The following LMF2 variants were observed in gnomAD, a reference collection of about 807,000 sequenced individuals.
LMF2 encodes the protein lipase maturation factor 2.
LMF2 carries 113 observed loss-of-function variants against 81.5 expected under a neutral mutation model. That is an observed-to-expected ratio of 1.39 (90% CI 1.19 to 1.62). The LOEUF is 1.62. Ranked by LOEUF, LMF2 falls within the 40% of genes most tolerant of loss-of-function variation. LMF2 has a pLI of 0.00. For missense variants in LMF2, 1,235 were observed against 929.1 expected (o/e 1.33, Z -4.28); for synonymous variants, 645 against 424.5 (o/e 1.52, Z -6.39).
At chr22:50,505,358 G>A in intron 7 of LMF2, 24 bp from the exon 8 acceptor site, 2 of 1,613,230 alleles carry the variant, frequency 1.2e-6, no homozygotes, top group Non-Finnish European at 1.7e-6. Context: ...GGGGTGTGAG[G>A]ACTGGTCCGC....
At chr22:50,503,932 TGGAG>T in intron 12 of LMF2, 28 bp from the exon 13 acceptor site, 1 of 1,597,658 alleles carries the variant, frequency 6.3e-7, no homozygotes, top group Admixed American at 1.7e-5. Flanking sequence ...GTTCAGAAGC[TGGAG>T]GCACCCCGGG....
chr22:50,504,501 C>CCCCCA, intron 11 of LMF2, 50 bp from the exon 12 acceptor site: 1 of 1,411,274 alleles, frequency 7.1e-7, no homozygotes, highest in Non-Finnish European at 9.7e-7. Context: ...CCCTGCCCCT[C>CCCCCA]CCCTCCCCAC....
In LMF2 at chr22:50,505,240, A is replaced by G. The variant is rs1037452496; in HGVS notation, c.1146T>C (p.Ser382=). 3.7e-6 allele frequency: 6 copies of G among 1,613,060 alleles called. No individual in the cohort carries two copies. Among genetic ancestry groups the G allele is most frequent in the Non-Finnish European group, 5.1e-6 (6 of 1,179,978 alleles). The change falls in exon 8 of 14, where the codon AGT becomes AGC. Residue 382 remains serine (S), a synonymous_variant. Transcript: ENST00000474879. Reference sequence around the variant, plus strand: ...CCTGGGCCATGTACCTCCACAGGGCACTCAGCAGCTCCCAGACCAGGGAGG... The same window carrying G: ...CCTGGGCCATGTACCTCCACAGGGCGCTCAGCAGCTCCCAGACCAGGGAGG... ...GVASLVWELL[S]ALWRWTQVRG...
chr22:50,506,593 C>A (rs371091389), intron 3 of LMF2, 45 bp downstream of exon 3: 17 of 1,601,014 alleles, frequency 1.1e-5, no homozygotes, highest in Admixed American at 1.7e-5. Context: ...CCCTCCCCCA[C>A]CCCCTACCCA....
At position 50,505,061 on chromosome 22, in the gene LMF2, C is replaced by T. The variant is rs2068521657; in HGVS notation, c.1250G>A (p.Ser417Asn). 1.2e-6 allele frequency: 2 copies of T among 1,612,936 alleles called. No homozygotes were observed. Among genetic ancestry groups the T allele is most frequent in the African/African-American group, 1.3e-5 (1 of 75,042 alleles). The change falls in exon 9 of 14, where the codon AGC becomes AAC. Residue 417 changes from serine (S) to asparagine (N), a missense_variant. Coordinates refer to ENST00000474879, the MANE Select transcript of LMF2 (RefSeq NM_033200.3). Reference sequence around the variant, plus strand: ...CAGCCCTGCAGCGCTACCCACCAGGCTAATCAGGAACAAGGCCACGGTCGC... The same window carrying T: ...CAGCCCTGCAGCGCTACCCACCAGGTTAATCAGGAACAAGGCCACGGTCGC... The part of the protein sequence containing the change: ...GTATVALFLI[S>N]LVPYSYVEPG...
At position 50,507,693 on chromosome 22, in the gene LMF2, C is replaced by G. The variant is rs777873116; in HGVS notation, c.-18G>C. Reference sequence around the variant, plus strand: ...CCCGCCATGTCCGCTACGCGGCCCGCTAGAGCAGGGCCCGCCCTCCGCGTC... The same window carrying G: ...CCCGCCATGTCCGCTACGCGGCCCGGTAGAGCAGGGCCCGCCCTCCGCGTC... On this transcript the variant is annotated 5_prime_UTR_variant, in exon 1 of 14. Coordinates refer to ENST00000474879, the MANE Select transcript of LMF2 (RefSeq NM_033200.3). 1.3e-6 allele frequency: 2 copies of G among 1,543,086 alleles called. No homozygotes were observed. The highest frequency in any genetic ancestry group is 2.8e-5 in the African/African-American group (2 of 72,710).
chr22:50,503,720 G>A, intron 13 of LMF2, 21 bp from the exon 14 acceptor site: 1 of 1,571,650 alleles, frequency 6.4e-7, no homozygotes, highest in East Asian at 2.2e-5. Context: ...GAGGGAGGGA[G>A]GGAGGTTGGG....
intron 1 of LMF2, 69 bp from the exon 2 acceptor site, chr22:50,507,104 C>G (rs1398935711): frequency 1.4e-5 from 22 of 1,517,776 alleles, no homozygotes; most frequent in Non-Finnish European, 1.9e-5. Context: ...TGAGTCAGGG[C>G]CTGCAGATCC....
intron 6 of LMF2, 24 bp from the exon 7 acceptor site, chr22:50,505,561 T>A (rs2068538845): frequency 6.2e-7 from 1 of 1,612,080 alleles, no homozygotes; most frequent in East Asian, 2.2e-5. Flanking sequence ...CAGTCATGGG[T>A]CAGCAGAGGG....
At position 50,506,992 on chromosome 22, in the gene LMF2, C is replaced by T. The variant is rs749244193; in HGVS notation, c.138G>A (p.Leu46=). 10 of 1,594,980 alleles carry T rather than the reference C, an allele frequency of 6.3e-6. No homozygotes were observed. Among genetic ancestry groups the T allele is most frequent in the Middle Eastern group, 1.9e-4 (1 of 5,170 alleles). ...PEGILPARRT[L]RPQGKGRWQQ... ...GCCAGCGCCCCTTGCCCTGAGGCCG[C>T]AGCGTCCTCCTTGCAGGTAGGATGC... is the stretch of plus-strand genomic sequence containing the variant. The change falls in exon 2 of 14, where the codon CTG becomes CTA. Residue 46 remains leucine (L), a synonymous_variant. Transcript: ENST00000474879.
At position 50,505,557 on chromosome 22, in the gene LMF2, T is replaced by C; in HGVS notation, c.917-20A>G. The C allele has an allele frequency of 1.2e-6, 2 of 1,612,198 alleles. No individual in the cohort carries two copies. Among genetic ancestry groups the C allele is most frequent in the Non-Finnish European group, 1.7e-6 (2 of 1,179,912 alleles). ...GCCAGGCTGTGGGGCAGGACAGTCA[T>C]GGGTCAGCAGAGGGTCCCCAGCCAG... On this transcript the variant is annotated intron_variant, in intron 6 of 13. Transcript: ENST00000474879.
At position 50,506,917 on chromosome 22, in the gene LMF2, C is replaced by T; in HGVS notation, c.213G>A (p.Gly71=). The change falls in exon 2 of 14, where the codon GGG becomes GGA. Residue 71 remains glycine, a synonymous_variant. Coordinates refer to ENST00000474879, the MANE Select transcript of LMF2 (RefSeq NM_033200.3). ...GCTCCAGGCCCTGGGCCGTGTCCAGCCCCAGTCTCGGCGCTTCCCACAGCA... is the reference window on the plus strand; with the variant it reads ...GCTCCAGGCCCTGGGCCGTGTCCAGTCCCAGTCTCGGCGCTTCCCACAGCA... ...PTLLWEAPRL[G]LDTAQGLELL... 1 of 1,582,690 alleles carries T rather than the reference C, an allele frequency of 6.3e-7. No homozygotes were observed. Among genetic ancestry groups the T allele is most frequent in the East Asian group, 2.3e-5 (1 of 43,188 alleles).
chr22:50,507,305 T>C (rs952309119), intron 1 of LMF2: 1 of 608,322 alleles, frequency 1.6e-6, no homozygotes, highest in Non-Finnish European at 2.9e-6. Context: ...CCCGATCTCC[T>C]ACCTGTCCCA....
chr22:50,503,334 G>A lies in LMF2; in HGVS notation c.*57C>T. 2 of 1,578,298 alleles carry A rather than the reference G, an allele frequency of 1.3e-6. No individual in the cohort carries two copies. Among genetic ancestry groups the A allele is most frequent in the Non-Finnish European group, 1.7e-6 (2 of 1,157,788 alleles). ...AGTGGCTGGGTCCTGTCCTGCCGGA[G>A]GCCAGAGCACTCCCGGCGACCTGGC... On this transcript the variant is annotated 3_prime_UTR_variant, in exon 14 of 14. Coordinates refer to ENST00000474879, the MANE Select transcript of LMF2 (RefSeq NM_033200.3).
intron 4 of LMF2, 30 bp downstream of exon 4, chr22:50,506,255 A>G: frequency 6.5e-7 from 1 of 1,548,098 alleles, no homozygotes. Flanking sequence ...GAGCCCCCAG[A>G]CTACCCCAGG....
chr22:50,506,242 G>A (rs1163851968), intron 4 of LMF2, 29 bp from the exon 5 acceptor site: 1 of 1,548,562 alleles, frequency 6.5e-7, no homozygotes, highest in Non-Finnish European at 8.7e-7. Context: ...GTCAGGGCTG[G>A]CCGAGCCCCC....
intron 2 of LMF2, 32 bp downstream of exon 2, chr22:50,506,750 G>GAT: frequency 1.2e-6 from 2 of 1,612,430 alleles, no homozygotes; most frequent in Non-Finnish European, 1.7e-6. Flanking sequence ...GGGGGTTGGA[G>GAT]ATAGAGTGAG....
intron 11 of LMF2, 44 bp from the exon 12 acceptor site, chr22:50,504,495 G>GGGCCC: frequency 3.0e-6 from 4 of 1,339,582 alleles, no homozygotes; most frequent in Non-Finnish European, 2.1e-6. Context: ...TACCCGCCCT[G>GGGCCC]CCCCTCCCCT....
chr22:50,506,204 T>G lies in LMF2; in HGVS notation c.605A>C (p.Tyr202Ser), dbSNP rs1045024792. Residue 202 changes from tyrosine to serine, a missense_variant, in exon 5 of 14, where the codon TAC (tyrosine) becomes TCC (serine). Physicochemically the swap from Tyr to Ser is moderately radical, Grantham distance 144. Transcript: ENST00000474879. ...GGGCAGGCACTGGGTCTCGTAGTGG[T>G]AGGTGAGGGCTGCAGGCGAGGGCAG... is the stretch of plus-strand genomic sequence containing the variant. The part of the protein sequence containing the change: ...PAWWGLTALT[Y>S]HYETQCLPTP... The G allele has an allele frequency of 1.9e-6, 3 of 1,556,362 alleles. No homozygotes were observed. The highest frequency in any genetic ancestry group is 2.7e-5 in the African/African-American group (2 of 73,464).
Sources: gnomAD v4.1 joint callset for allele counts on GRCh38, gnomAD v4.1.1 for gene constraint, MANE v1.5 for transcripts, NCBI Gene and HGNC (gene_info 2026-07-23, HGNC 2026-07-21) for gene names.